Variants in RS1 observed in about 807,000 individuals in gnomAD.
RS1 encodes the protein retinoschisin.
Under a neutral mutation model 20.8 loss-of-function variants are expected in RS1, and 2 were observed. The ratio of observed to expected loss-of-function variants is 0.10; its 90% CI spans 0.04 to 0.30. The LOEUF is 0.30. RS1 is among the 10% of genes least tolerant of loss of function. The probability of loss-of-function intolerance (pLI) is 1.00; values close to 1 mark genes in which losing one functional copy is unlikely to be tolerated. For missense variants in RS1, 151 were observed against 189.8 expected (o/e 0.80, Z 1.20); for synonymous variants, 70 against 75.8 (o/e 0.92, Z 0.40).
chrX:18,646,191 G>A (rs1310540393), intron 4 of RS1: 10 of 1,138,361 alleles, frequency 8.8e-6, no homozygotes, highest in Middle Eastern at 2.9e-4. Flanking sequence ...TTGCTCTGTC[G>A]CCCAGGCTGG....
chrX:18,654,217 C>T (rs1928169523), intron 3 of RS1, among the ~76,000 whole-genome samples: 2 of 101,757 alleles, frequency 2.0e-5, no homozygotes, highest in African/African-American at 3.6e-5. Flanking sequence ...TGCAGTGATA[C>T]GACTATGGCT....
At chrX:18,649,747 T>C (rs1927948015) in intron 3 of RS1, among the ~76,000 whole-genome samples, 1 of 112,028 alleles carries the variant, frequency 8.9e-6, no homozygotes, top group Non-Finnish European at 1.9e-5. Flanking sequence ...GGGAAGACAT[T>C]CTTTCTGTGG....
intron 3 of RS1, 102 bp from the exon 4 acceptor site, chrX:18,647,434 G>T: frequency 1.1e-6 from 1 of 897,668 alleles, no homozygotes; most frequent in Non-Finnish European, 1.6e-6. Context: ...GCGCTTCGGA[G>T]ACGGAGAAGG....
rs1602310719 is a variant in RS1 at position 18,644,532 on chromosome X, C to T, written c.420G>A (p.Gly140=). The stretch of plus-strand genomic sequence containing the variant: ...TCATCCACTCATCGATGTCACAGCG[C>T]CCCTGGGTGAGGATCCCTGAAATCA... The part of the protein sequence containing the change: ...IKVISGILTQ[G]RCDIDEWMTK... Residue 140 remains glycine (G), a synonymous_variant, in exon 5 of 6, where the codon GGG becomes GGA. Transcript: ENST00000379984. 8.3e-7 allele frequency: 1 copy of T among 1,209,431 alleles called. No homozygotes were observed. Among genetic ancestry groups the T allele is most frequent in the Admixed American group, 2.2e-5 (1 of 45,826 alleles).
At position 18,670,659 on chromosome X, in the gene RS1, T is replaced by C. The variant is rs772307433; in HGVS notation, c.52+1358A>G. On this transcript the variant is annotated intron_variant, in intron 1 of 5. Coordinates refer to ENST00000379984, the MANE Select transcript of RS1 (RefSeq NM_000330.4). The stretch of plus-strand genomic sequence containing the variant: ...TCCGAGAGTGAGCCCTGGGAGTGTC[T>C]GACAACCAGGAGTATTTAGATCTAA... 4.5e-5 allele frequency among the ~76,000 whole-genome samples: 5 copies of C among 111,575 alleles called. No homozygotes were observed. The East Asian group carries it at 1.4e-3, about 32-fold the overall frequency.
chrX:18,653,461 A>G, intron 3 of RS1: 1 of 1,211,350 alleles, frequency 8.3e-7, no homozygotes, highest in Non-Finnish European at 1.1e-6. Flanking sequence ...ACACGTTATG[A>G]GGGAAGCCCT....
chrX:18,663,235 A>G (rs1252806206), intron 1 of RS1, among the ~76,000 whole-genome samples: 2 of 104,816 alleles, frequency 1.9e-5, no homozygotes, highest in Admixed American at 2.1e-4. Flanking sequence ...ATGGGGTTTC[A>G]CCATGTTGGT....
Position 18,644,439 on chromosome X carries a change from T to G in RS1, c.513A>C (p.Gly171=), listed in dbSNP as rs1218580579. 3 of 1,209,273 alleles carry G rather than the reference T, an allele frequency of 2.5e-6. No homozygotes were observed. The highest frequency in any genetic ancestry group is 1.8e-5 in the African/African-American group (1 of 56,908). The change falls in exon 5 of 6, where the codon GGA becomes GGC. Residue 171 remains glycine (G), a synonymous_variant. Transcript: ENST00000379984. ...GATAAGCCCAACTTACCCGGTTGTT[T>G]CCAGTCTGGTCCTTGTAGTAAATCC... The part of the protein sequence containing the change: ...LNWIYYKDQT[G]NNRVFYGNSD...
intron 3 of RS1, chrX:18,653,487 G>A: frequency 5.0e-6 from 6 of 1,211,713 alleles, no homozygotes; most frequent in Non-Finnish European, 6.7e-6. Context: ...ACAGGGCCCA[G>A]GTAAACCAAG....
rs184794643 is a variant in RS1, at chrX:18,668,043, A to G, written c.52+3974T>C. ...TGGCAAAAACCGCAGTTACTCTTGC[A>G]CCAACCTAATAGTATCATACCAGAA... On this transcript the variant is annotated intron_variant, in intron 1 of 5. Coordinates refer to ENST00000379984, the MANE Select transcript of RS1 (RefSeq NM_000330.4). Among the ~76,000 whole-genome samples, 719 of 112,387 alleles carry G rather than the reference A, an allele frequency of 6.4e-3. 8 individuals are homozygous for G. Among genetic ancestry groups the G allele is most frequent in the African/African-American group, 0.022 (672 of 30,921 alleles).
At position 18,647,338 on chromosome X, in the gene RS1, A is replaced by G. The variant is rs757303228; in HGVS notation, c.185-6T>C. ...AGGCTTGTGATATGGGCATTCTGGG[A>G]AAGGAAAAAGAATTCACATTCACAC... On this transcript the variant is annotated splice_polypyrimidine_tract_variant and splice_region_variant and intron_variant, in intron 3 of 5. Coordinates refer to ENST00000379984, the MANE Select transcript of RS1 (RefSeq NM_000330.4). 1 of 1,209,765 alleles carries G rather than the reference A, an allele frequency of 8.3e-7. No homozygotes were observed. Among genetic ancestry groups the G allele is most frequent in the South Asian group, 1.8e-5 (1 of 56,888 alleles).
intron 3 of RS1, among the ~76,000 whole-genome samples, chrX:18,649,267 G>A (rs1003846002): frequency 1.3e-4 from 14 of 111,028 alleles, no homozygotes; most frequent in East Asian, 2.8e-4. Context: ...ACCTGGTCTC[G>A]CTGTGTCGCA....
chrX:18,671,903 G>A (rs1014702159), intron 1 of RS1, 114 bp downstream of exon 1: 4 of 657,378 alleles, frequency 6.1e-6, no homozygotes, highest in African/African-American at 2.2e-5. Flanking sequence ...GTTAATTAAC[G>A]TGTTGCTAAT....
intron 1 of RS1, among the ~76,000 whole-genome samples, chrX:18,663,211 T>G (rs1422247453): frequency 1.8e-5 from 2 of 109,664 alleles, no homozygotes; most frequent in Non-Finnish European, 3.8e-5. Flanking sequence ...GCTAATTTTG[T>G]ATTTTTAGTA....
chrX:18,660,356 C>T (rs956127584), intron 1 of RS1, among the ~76,000 whole-genome samples: 9 of 108,660 alleles, frequency 8.3e-5, no homozygotes, highest in African/African-American at 2.7e-4. Context: ...GCTGGGATTA[C>T]AGCCACCATG....
At chrX:18,644,927 G>A (rs1927718118) in intron 4 of RS1, among the ~76,000 whole-genome samples, 1 of 112,715 alleles carries the variant, frequency 8.9e-6, no homozygotes, top group Admixed American at 9.3e-5. Flanking sequence ...GGTTGAACAT[G>A]TCTGTCTGCA....
rs187689685 is a variant in RS1 at position 18,660,169 on chromosome X, C to T, written c.53-2504G>A. Among the ~76,000 whole-genome samples, 8 of 110,696 alleles carry T rather than the reference C, an allele frequency of 7.2e-5. No homozygotes were observed. In the Admixed American group the frequency reaches 7.8e-4, roughly 11 times the overall value. On this transcript the variant is annotated intron_variant, in intron 1 of 5. Coordinates refer to ENST00000379984, the MANE Select transcript of RS1 (RefSeq NM_000330.4). Reference sequence around the variant, plus strand: ...TTTCCCTCATTAATCTGTCTTTTGTCGTAGGGATCTCAGCCATGAACCTTG... The same window carrying T: ...TTTCCCTCATTAATCTGTCTTTTGTTGTAGGGATCTCAGCCATGAACCTTG...
Position 18,645,131 on chromosome X carries a change from C to A in RS1, c.327-506G>T, listed in dbSNP as rs759886997. Among the ~76,000 whole-genome samples, 95 of 112,611 alleles carry A rather than the reference C, an allele frequency of 8.4e-4. 1 individual carries two copies. Among genetic ancestry groups the A allele is most frequent in the Non-Finnish European group, 1.6e-3 (85 of 53,299 alleles). On this transcript the variant is annotated intron_variant, in intron 4 of 5. Transcript: ENST00000379984. ...TTTGACAAGTGTCAAGCCAGATAAC[C>A]GTTGAAGCAACTAAGTTGTTTTTTT...
At chrX:18,657,852 A>C (rs1928245080) in intron 1 of RS1, among the ~76,000 whole-genome samples, 187 bp from the exon 2 acceptor site, 1 of 112,301 alleles carries the variant, frequency 8.9e-6, no homozygotes, top group African/African-American at 3.2e-5. Flanking sequence ...AGCTAGGGAC[A>C]GTAAAATTAA....
Sources: gnomAD v4.1 joint callset for allele counts (sites outside exome capture counted in the v4.1 genomes callset) on GRCh38, gnomAD v4.1.1 for gene constraint, MANE v1.5 for transcripts, NCBI Gene and HGNC (gene_info 2026-07-23, HGNC 2026-07-21) for gene names.